DR1: variants seen among roughly 807,000 people sequenced by gnomAD.
DR1 encodes protein Dr1.
Under a neutral mutation model 19.9 loss-of-function variants are expected in DR1, and 7 were observed. The ratio of observed to expected loss-of-function variants is 0.35; its 90% confidence interval spans 0.20 to 0.66. DR1 has a LOEUF of 0.66. Among genes scored for constraint, DR1 ranks in the 30% least tolerant of loss-of-function variants. The pLI, the probability that DR1 is intolerant of heterozygous loss-of-function variation, is 0.66. For synonymous variants in DR1, 76 were observed against 72.5 expected, an observed-to-expected ratio of 1.05 and a Z score of -0.24; for missense variants, 98 against 203.7, an observed-to-expected ratio of 0.48 and a Z score of 3.16.
intron 1 of DR1, among the ~76,000 whole-genome samples, chr1:93,353,298 T>G (rs980855699): frequency 5.9e-5 from 9 of 152,196 alleles, no homozygotes; most frequent in African/African-American, 1.7e-4. Context: ...ACGTTTTTTT[T>G]GCCACATCAT....
intron 2 of DR1, 62 bp from the exon 3 acceptor site, chr1:93,360,431 A>G: frequency 6.2e-6 from 9 of 1,445,416 alleles, no homozygotes; most frequent in South Asian, 1.5e-5. Flanking sequence ...ACATTTAACC[A>G]AAGTGTATAT....
chr1:93,356,641 T>C (rs942667839), intron 2 of DR1, among the ~76,000 whole-genome samples: 2 of 152,146 alleles, frequency 1.3e-5, no homozygotes, highest in African/African-American at 4.8e-5. Context: ...TGTAGTTGAT[T>C]AGACCACAAA....
At chr1:93,358,188 A>C (rs1012209327) in intron 2 of DR1, among the ~76,000 whole-genome samples, 3 of 152,190 alleles carry the variant, frequency 2.0e-5, no homozygotes, top group Non-Finnish European at 2.9e-5. Context: ...TTTTAGGGGT[A>C]CAGGAGTATG....
In DR1 at chr1:93,363,829, C is replaced by T. The variant is rs1335726389; in HGVS notation, c.*3190C>T. On this transcript the variant is annotated 3_prime_UTR_variant, in exon 3 of 3. Transcript: ENST00000370272. ...TGCATGTATTTGTAGTTCATTCATT[C>T]TCATTGCTGTATAGTCTTCCGTTTG... 3 of 152,222 alleles carry T rather than the reference C, an allele frequency of 2.0e-5. No homozygotes were observed. The highest frequency in any genetic ancestry group is 4.4e-5 in the Non-Finnish European group (3 of 68,030). 9.4% of individuals were successfully genotyped at this position (152,222 alleles called of 1,614,324 possible).
Position 93,346,424 on chromosome 1 carries a change from C to G in DR1, c.-222C>G, listed in dbSNP as rs1197494606. The G allele has an allele frequency of 1.8e-6, 1 of 566,512 alleles. No homozygotes were observed. Among genetic ancestry groups the G allele is most frequent in the Non-Finnish European group, 3.2e-6 (1 of 316,754 alleles). 35.1% of individuals were successfully genotyped at this position (566,512 alleles called of 1,614,324 possible). A position where few individuals can be genotyped will look rare whatever the true frequency, so the allele number is the denominator to read the frequency against. On this transcript the variant is annotated 5_prime_UTR_variant, in exon 1 of 3. Coordinates refer to ENST00000370272, the MANE Select transcript of DR1 (RefSeq NM_001938.3). ...CCTGGGCTGTGCTCTCTCTAGAATC[C>G]TCGGGCCCCCACTTTCTTCCCAAAC... is the stretch of plus-strand genomic sequence containing the variant.
At chr1:93,354,124 T>G (rs974190815) in intron 2 of DR1, 53 bp downstream of exon 2, 21 of 1,532,260 alleles carry the variant, frequency 1.4e-5, no homozygotes, top group Non-Finnish European at 1.8e-5. Context: ...GTTTGCTAAC[T>G]GAAATTGCTT....
chr1:93,347,008 G>A, intron 1 of DR1, 143 bp downstream of exon 1: 1 of 729,534 alleles, frequency 1.4e-6, no homozygotes, highest in Non-Finnish European at 2.3e-6. Flanking sequence ...TAGGCAGCCG[G>A]TGCTTTAAAA....
At position 93,361,631 on chromosome 1, in the gene DR1, C is replaced by G. The variant is rs1183918734; in HGVS notation, c.*992C>G. The G allele has an allele frequency of 1.3e-5, 2 of 152,382 alleles. No homozygotes were observed. The highest frequency in any genetic ancestry group is 2.9e-5 in the Non-Finnish European group (2 of 67,902). 9.4% of individuals were successfully genotyped at this position (152,382 alleles called of 1,614,324 possible). On this transcript the variant is annotated 3_prime_UTR_variant, in exon 3 of 3. Transcript: ENST00000370272. ...CTTATTGTTTTTAGAATTACTTTTA[C>G]ATTTTCCCAACTAGATGGCCTAGAG...
At chr1:93,357,429 C>A (rs574058808) in intron 2 of DR1, among the ~76,000 whole-genome samples, 1 of 152,020 alleles carries the variant, frequency 6.6e-6, no homozygotes, top group East Asian at 1.9e-4. Context: ...TCCCTTGAGG[C>A]TAGGAGTTCA....
rs1341789506 is a variant in DR1, at chr1:93,353,928, G to A, written c.241G>A (p.Gly81Ser). 1.9e-6 allele frequency: 3 copies of A among 1,604,650 alleles called. No homozygotes were observed. The highest frequency in any genetic ancestry group is 1.7e-6 in the Non-Finnish European group (2 of 1,176,144). ...TCTAGCACTAGAAAGTTTGGGATTTGGCTCTTACATCAGTGAAGTAAAAGA... is the reference window on the plus strand; with the variant it reads ...TCTAGCACTAGAAAGTTTGGGATTTAGCTCTTACATCAGTGAAGTAAAAGA... ...VIQALESLGF[G>S]SYISEVKEVL... The change falls in exon 2 of 3, where the codon GGC (glycine) becomes AGC (serine). Residue 81 changes from glycine (G) to serine (S), a missense_variant. Coordinates refer to ENST00000370272, the MANE Select transcript of DR1 (RefSeq NM_001938.3).
chr1:93,352,389 A>G (rs4847240), intron 1 of DR1, among the ~76,000 whole-genome samples: 79,119 of 152,068 alleles, frequency 0.52, 23,161 homozygotes, highest in South Asian at 0.65. Context: ...AATTTGATAT[A>G]CAGAACTTAG....
In DR1 at chr1:93,360,855, A is replaced by G. The variant is rs1002321041; in HGVS notation, c.*216A>G. 4.0e-5 allele frequency: 19 copies of G among 476,432 alleles called. No individual in the cohort carries two copies. Among genetic ancestry groups the G allele is most frequent in the Non-Finnish European group, 6.4e-5 (18 of 281,832 alleles). 29.5% of individuals were successfully genotyped at this position (476,432 alleles called of 1,614,324 possible). A position where few individuals can be genotyped will look rare whatever the true frequency, so the allele number is the denominator to read the frequency against. On this transcript the variant is annotated 3_prime_UTR_variant, in exon 3 of 3. Coordinates refer to ENST00000370272, the MANE Select transcript of DR1 (RefSeq NM_001938.3). ...AAATTTAAGGTTCAGTATAATATCA[A>G]TTTTGAATTTTTAATGGTGTTTATG...
chr1:93,362,841 T>C lies in DR1; in HGVS notation c.*2202T>C, dbSNP rs1234750297. 6.2e-5 allele frequency: 9 copies of C among 145,730 alleles called. No individual in the cohort carries two copies. Among genetic ancestry groups the C allele is most frequent in the Non-Finnish European group, 1.2e-4 (8 of 66,216 alleles). The allele number at this position is 145,730 out of a possible 1,614,324, so 9.0% of individuals were successfully genotyped here. On this transcript the variant is annotated 3_prime_UTR_variant, in exon 3 of 3. Coordinates refer to ENST00000370272, the MANE Select transcript of DR1 (RefSeq NM_001938.3). ...TAGGTTTTTTCTTTTTTTTTTTTTT[T>C]TTTTTTTTTTTTTAGCATTTAAGAG...
intron 1 of DR1, 144 bp from the exon 2 acceptor site, chr1:93,353,764 C>A: frequency 1.8e-6 from 1 of 564,426 alleles, no homozygotes; most frequent in Non-Finnish European, 2.9e-6. Flanking sequence ...AGTTGTTGTA[C>A]AACTATAAAA....
chr1:93,356,840 G>C lies in DR1; in HGVS notation c.384+2769G>C, dbSNP rs182826028. ...GGGTTCAAGCGATTCTCCTGCCTCA[G>C]CTTCCCAAGTAGCTGGGATTACAGG... On this transcript the variant is annotated intron_variant, in intron 2 of 2. Coordinates refer to ENST00000370272, the MANE Select transcript of DR1 (RefSeq NM_001938.3). Among the ~76,000 whole-genome samples the C allele has an allele frequency of 8.7e-3, 1,326 of 151,844 alleles. 13 individuals are homozygous for C. Among genetic ancestry groups the C allele is most frequent in the African/African-American group, 0.021 (882 of 41,354 alleles).
intron 1 of DR1, among the ~76,000 whole-genome samples, chr1:93,353,002 C>A (rs1666935212): frequency 6.6e-6 from 1 of 151,352 alleles, no homozygotes; most frequent in Non-Finnish European, 1.5e-5. Flanking sequence ...TTAAGCAATC[C>A]TCTCACCTCA....
At chr1:93,358,814 C>G (rs1218567265) in intron 2 of DR1, among the ~76,000 whole-genome samples, 1 of 152,124 alleles carries the variant, frequency 6.6e-6, no homozygotes, top group Non-Finnish European at 1.5e-5. Context: ...TAAATTTTTT[C>G]CATTCCAGTA....
In DR1 at chr1:93,365,009, A is replaced by G. The variant is rs1188700684; in HGVS notation, c.*4370A>G. ...GCTGGGACTACAGGTGCCCGCTAGC[A>G]CGCCCAGCTAATTTTTTTTGTTTTT... On this transcript the variant is annotated 3_prime_UTR_variant, in exon 3 of 3. Transcript: ENST00000370272. 1 of 151,776 alleles carries G rather than the reference A, an allele frequency of 6.6e-6. No individual in the cohort carries two copies. The highest frequency in any genetic ancestry group is 1.5e-5 in the Non-Finnish European group (1 of 68,116). The allele number at this position is 151,776 out of a possible 1,614,324, so 9.4% of individuals were successfully genotyped here.
At chr1:93,353,259 G>T (rs1021987432) in intron 1 of DR1, among the ~76,000 whole-genome samples, 11 of 151,834 alleles carry the variant, frequency 7.2e-5, no homozygotes, top group Admixed American at 2.6e-4. Context: ...TTTTATTAGT[G>T]CTTCTTGTAT....
Sources: gnomAD v4.1 joint callset for allele counts (sites outside exome capture counted in the v4.1 genomes callset) on GRCh38, gnomAD v4.1.1 for gene constraint, MANE v1.5 for transcripts, NCBI Gene and HGNC (gene_info 2026-07-23, HGNC 2026-07-21) for gene names.